The following ALOX12 variants were observed in gnomAD, a reference collection of about 807,000 sequenced individuals.
The protein encoded by ALOX12 is arachidonate 12-lipoxygenase, 12S type, also known as polyunsaturated fatty acid lipoxygenase ALOX12.
A neutral mutation model predicts 85.5 loss-of-function variants in ALOX12; 62 were observed. The ratio of observed to expected loss-of-function variants is 0.73; its 90% CI spans 0.59 to 0.90. The LOEUF is 0.90. ALOX12 is among the 40% of genes least tolerant of loss of function. ALOX12 has a pLI of 0.00. For missense variants in ALOX12, 751 were observed against 856.5 expected, an observed-to-expected ratio of 0.88 and a Z score of 1.54; for synonymous variants, 299 against 332.7, an observed-to-expected ratio of 0.90 and a Z score of 1.10.
At chr17:7,009,302 G>T (rs564645617) in intron 11 of ALOX12, among the ~76,000 whole-genome samples, 2 of 151,154 alleles carry the variant, frequency 1.3e-5, no homozygotes, top group Non-Finnish European at 2.9e-5. Flanking sequence ...CTCGTGATCC[G>T]CCCATCTTGG....
chr17:7,001,840 C>T (rs1908728224), intron 8 of ALOX12, 29 bp downstream of exon 8: 4 of 1,585,194 alleles, frequency 2.5e-6, no homozygotes, highest in African/African-American at 1.3e-5. Context: ...AATCACATAT[C>T]CCTCAGACCC....
Position 7,005,314 on chromosome 17 carries a change from C to G in ALOX12, c.1219C>G (p.Leu407Val). ...MEINTRARTQ[L>V]ISDGGIFDKA... The stretch of plus-strand genomic sequence containing the variant: ...AATCAACACCCGGGCCCGGACCCAA[C>G]TCATCTCAGATGGAGGAATTTTTGA... Residue 407 changes from leucine (L) to valine (V), a missense_variant, in exon 9 of 14, where the codon CTC becomes GTC. Coordinates refer to ENST00000251535, the MANE Select transcript of ALOX12 (RefSeq NM_000697.3). 1 of 1,613,834 alleles carries G rather than the reference C, an allele frequency of 6.2e-7. No homozygotes were observed. The highest frequency in any genetic ancestry group is 1.3e-5 in the African/African-American group (1 of 75,002).
Position 7,010,375 on chromosome 17 carries a change from C to T in ALOX12, c.1944C>T (p.Pro648=). 2.5e-6 allele frequency: 4 copies of T among 1,614,214 alleles called. No homozygotes were observed. Among genetic ancestry groups the T allele is most frequent in the Non-Finnish European group, 3.4e-6 (4 of 1,180,046 alleles). ...ITARNEQLDW[P]YEYLKPSCIE... ...CCCGGAATGAGCAACTTGACTGGCC[C>T]TATGAATATCTGAAGCCCAGCTGCA... Residue 648 remains proline (P), a synonymous_variant, in exon 14 of 14, where the codon CCC becomes CCT. Transcript: ENST00000251535.
chr17:6,997,195 A>C, intron 2 of ALOX12, 168 bp downstream of exon 2: 4 of 964,536 alleles, frequency 4.1e-6, no homozygotes, highest in Non-Finnish European at 4.9e-6. Flanking sequence ...GGAGTTATGA[A>C]TTCCCAAAGT....
chr17:7,009,560 G>A lies in ALOX12; in HGVS notation c.1541-187G>A, dbSNP rs1909279968. 5.2e-6 allele frequency: 3 copies of A among 580,226 alleles called. No homozygotes were observed. In the South Asian group the frequency reaches 6.7e-5, roughly 13 times the overall value. 35.9% of individuals were successfully genotyped at this position (580,226 alleles called of 1,614,324 possible). On this transcript the variant is annotated intron_variant, in intron 11 of 13. Coordinates refer to ENST00000251535, the MANE Select transcript of ALOX12 (RefSeq NM_000697.3). Reference sequence around the variant, plus strand: ...GGTGAAAAAAACTGAGGTTCAAATAGGTTAAGCTGGCCTATGGTAACTAAG... The same window carrying A: ...GGTGAAAAAAACTGAGGTTCAAATAAGTTAAGCTGGCCTATGGTAACTAAG...
intron 11 of ALOX12, among the ~76,000 whole-genome samples, chr17:7,007,434 G>A (rs1909143608): frequency 6.6e-6 from 1 of 152,176 alleles, no homozygotes; most frequent in Admixed American, 6.5e-5. Context: ...CATTTACTGG[G>A]GAGCCCTTAT....
intron 9 of ALOX12, 37 bp from the exon 10 acceptor site, chr17:7,005,819 CCT>C: frequency 6.3e-7 from 1 of 1,592,856 alleles, no homozygotes; most frequent in Non-Finnish European, 8.5e-7. Flanking sequence ...GTTCTCCAGC[CCT>C]GTTTCCCCCT....
chr17:7,005,113 A>G, intron 8 of ALOX12, 144 bp from the exon 9 acceptor site: 1 of 776,600 alleles, frequency 1.3e-6, no homozygotes, highest in South Asian at 1.5e-5. Context: ...GGAGAGCACA[A>G]GAGTGAGTGA....
Position 6,998,552 on chromosome 17 carries a change from T to A in ALOX12, c.381T>A (p.His127Gln). The A allele has an allele frequency of 6.2e-7, 1 of 1,613,960 alleles. No homozygotes were observed. Among genetic ancestry groups the A allele is most frequent in the Non-Finnish European group, 8.5e-7 (1 of 1,179,956 alleles). ...GDNALDMFQK[H>Q]REKELKDRQQ... ...ATGCTTTGGACATGTTCCAGAAGCA[T>A]CGAGAGAAGGAACTGAAAGACAGAC... is the stretch of plus-strand genomic sequence containing the variant. The change falls in exon 3 of 14, where the codon CAT becomes CAA. Residue 127 changes from histidine (H) to glutamine (Q), a missense_variant. By Grantham distance (24) the His-to-Gln change is conservative (BLOSUM62 0). Coordinates refer to ENST00000251535, the MANE Select transcript of ALOX12 (RefSeq NM_000697.3).
At chr17:6,999,562 T>G in intron 6 of ALOX12, 96 bp downstream of exon 6, 1 of 1,355,174 alleles carries the variant, frequency 7.4e-7, no homozygotes, top group Non-Finnish European at 1.0e-6. Context: ...AAGGCTGCAG[T>G]ACTGCATTGC....
At position 7,010,352 on chromosome 17, in the gene ALOX12, C is replaced by G. The variant is rs764119935; in HGVS notation, c.1921C>G (p.Arg641Gly). The G allele has an allele frequency of 1.2e-6, 2 of 1,614,162 alleles. No individual in the cohort carries two copies. The highest frequency in any genetic ancestry group is 2.2e-5 in the South Asian group (2 of 91,086). Residue 641 changes from arginine to glycine, a missense_variant, in exon 14 of 14, where the codon CGG becomes GGG. Arg to Gly is a moderately radical substitution (Grantham distance 125, BLOSUM62 -2). Transcript: ENST00000251535. ...LEKLEKEITA[R>G]NEQLDWPYEY... Reference sequence around the variant, plus strand: ...AAAGCTGGAAAAGGAGATTACAGCCCGGAATGAGCAACTTGACTGGCCCTA... The same window carrying G: ...AAAGCTGGAAAAGGAGATTACAGCCGGGAATGAGCAACTTGACTGGCCCTA...
chr17:6,998,383 C>G (rs1039126408), intron 2 of ALOX12, 126 bp from the exon 3 acceptor site: 15 of 666,312 alleles, frequency 2.3e-5, no homozygotes, highest in Admixed American at 5.3e-5. Context: ...TGAGGCAAAG[C>G]CAGAGATAAA....
At chr17:6,997,104 G>A (rs111935092) in intron 2 of ALOX12, 77 bp downstream of exon 2, 103 of 1,466,276 alleles carry the variant, frequency 7.0e-5, no homozygotes, top group Non-Finnish European at 6.2e-5. Context: ...AGTTAAGGAC[G>A]GTCGGAGCAG....
At position 7,010,247 on chromosome 17, in the gene ALOX12, C is replaced by G. The variant is rs766437151; in HGVS notation, c.1816C>G (p.Pro606Ala). The G allele has an allele frequency of 2.5e-6, 4 of 1,613,280 alleles. No individual in the cohort carries two copies. The East Asian group carries it at 8.9e-5, about 36-fold the overall frequency. Residue 606 changes from proline (P) to alanine (A), a missense_variant, in exon 14 of 14, where the codon CCT (proline) becomes GCT (alanine). By Grantham distance (27) the Pro-to-Ala change is conservative (BLOSUM62 -1). Coordinates refer to ENST00000251535, the MANE Select transcript of ALOX12 (RefSeq NM_000697.3). Reference protein sequence around the residue: ...HLSRRQPDMVPLGHHKEKYFS... With the variant: ...HLSRRQPDMVALGHHKEKYFS... ...CTGATCCTTTGTTCTGTCTCAGGTG[C>G]CTCTGGGGCACCACAAAGAAAAATA... is the stretch of plus-strand genomic sequence containing the variant.
intron 8 of ALOX12, among the ~76,000 whole-genome samples, chr17:7,003,198 T>C (rs1030965592): frequency 1.3e-5 from 2 of 152,194 alleles, no homozygotes; most frequent in African/African-American, 4.8e-5. Context: ...AGTAATGCCA[T>C]GCCCCAGCGG....
rs776964465 is a variant in ALOX12 at position 7,010,313 on chromosome 17, C to A, written c.1882C>A (p.Arg628=). The change falls in exon 14 of 14, where the codon CGA becomes AGA. Residue 628 remains arginine (R), a synonymous_variant. Transcript: ENST00000251535. ...GCCCAAAGCTGTGCTAAACCAATTCCGAACAGATTTGGAAAAGCTGGAAAA... is the reference window on the plus strand; with the variant it reads ...GCCCAAAGCTGTGCTAAACCAATTCAGAACAGATTTGGAAAAGCTGGAAAA... The part of the protein sequence containing the change: ...PKPKAVLNQF[R]TDLEKLEKEI... 6.2e-7 allele frequency: 1 copy of A among 1,614,050 alleles called. No individual in the cohort carries two copies. The highest frequency in any genetic ancestry group is 1.7e-5 in the Admixed American group (1 of 60,000).
Position 6,999,461 on chromosome 17 carries a change from C to T in ALOX12, c.802C>T (p.Leu268Phe), listed in dbSNP as rs1198228431. The T allele has an allele frequency of 6.2e-7, 1 of 1,614,056 alleles. No homozygotes were observed. Among genetic ancestry groups the T allele is most frequent in the South Asian group, 1.1e-5 (1 of 91,076 alleles). The change falls in exon 6 of 14, where the codon CTT becomes TTT. Residue 268 changes from leucine to phenylalanine, a missense_variant. Transcript: ENST00000251535. ...EELQAQLEKE[L>F]QNGSLFEADF... Reference sequence around the variant, plus strand: ...GCTTCAGGCTCAACTGGAGAAAGAACTTCAGGTACCTCTCCTTCCCCTGCC... The same window carrying T: ...GCTTCAGGCTCAACTGGAGAAAGAATTTCAGGTACCTCTCCTTCCCCTGCC...
chr17:7,003,391 G>A (rs867269503), intron 8 of ALOX12, among the ~76,000 whole-genome samples: 3 of 152,074 alleles, frequency 2.0e-5, no homozygotes, highest in Non-Finnish European at 4.4e-5. Flanking sequence ...TTAATGGTGT[G>A]ACACAAGCTA....
chr17:7,001,455 C>A (rs1908706493), intron 7 of ALOX12, 147 bp from the exon 8 acceptor site: 13 of 809,582 alleles, frequency 1.6e-5, no homozygotes, highest in Non-Finnish European at 2.6e-5. Flanking sequence ...AGCTAGCGAG[C>A]GGCAGGCTGG....
Sources: allele counts gnomAD v4.1 joint callset (sites outside exome capture counted in the v4.1 genomes callset), GRCh38; gene constraint gnomAD v4.1.1; transcripts MANE v1.5; gene names NCBI Gene and HGNC (gene_info 2026-07-23, HGNC 2026-07-21).